Variants in GPC6 observed in about 807,000 individuals in gnomAD.
GPC6 encodes glypican 6.
GPC6 carries 14 observed loss-of-function variants against 55.2 expected under a neutral mutation model. That is an observed-to-expected ratio of 0.25 (90% confidence interval 0.17 to 0.40). The LOEUF is 0.40. Among genes scored for constraint, GPC6 ranks in the 10% least tolerant of loss-of-function variants. The pLI, the probability that GPC6 is intolerant of heterozygous loss-of-function variation, is 1.00. For synonymous variants in GPC6, 278 were observed against 259.6 expected, an observed-to-expected ratio of 1.07 and a Z score of -0.68; for missense variants, 641 against 708.5, an observed-to-expected ratio of 0.90 and a Z score of 1.08.
intron 4 of GPC6, among the ~76,000 whole-genome samples, chr13:94,122,907 A>C (rs935328689): frequency 5.9e-5 from 9 of 152,200 alleles, no homozygotes; most frequent in African/African-American, 2.2e-4. Flanking sequence ...GAACATGTTT[A>C]CTTCTGTAGT....
At position 94,294,057 on chromosome 13, in the gene GPC6, C is replaced by T. The variant is rs79697167; in HGVS notation, c.1008+7578C>T. On this transcript the variant is annotated intron_variant, in intron 5 of 8. Coordinates refer to ENST00000377047, the MANE Select transcript of GPC6 (RefSeq NM_005708.5). ...TCATTATTCCACTATCTTCCACAAC[C>T]GCAGTTACCCAACAGTTCAGAACTT... 9.3e-3 allele frequency among the ~76,000 whole-genome samples: 1,418 copies of T among 152,266 alleles called. 22 individuals are homozygous for T. Among genetic ancestry groups the T allele is most frequent in the African/African-American group, 0.033 (1,364 of 41,550 alleles).
At chr13:93,294,635 G>A (rs1423614680) in intron 1 of GPC6, among the ~76,000 whole-genome samples, 1 of 152,040 alleles carries the variant, frequency 6.6e-6, no homozygotes, top group Non-Finnish European at 1.5e-5. Flanking sequence ...GAGTCTAGTG[G>A]GGGAGATAAT....
At chr13:94,100,011 AC>A (rs1243172731) in intron 4 of GPC6, among the ~76,000 whole-genome samples, 1 of 152,156 alleles carries the variant, frequency 6.6e-6, no homozygotes, top group East Asian at 1.9e-4. Flanking sequence ...GCTATTGGCT[AC>A]TGTGCTTAAT....
At chr13:93,818,495 C>T (rs1314984886) in intron 2 of GPC6, 1 of 152,082 alleles carries the variant, frequency 6.6e-6, no homozygotes, top group African/African-American at 2.4e-5. Context: ...ATTCCTTTTC[C>T]CCTGGTCATT....
At chr13:93,968,895 T>C (rs1880163874) in intron 3 of GPC6, among the ~76,000 whole-genome samples, 1 of 152,202 alleles carries the variant, frequency 6.6e-6, no homozygotes. Context: ...ACATGGAAAC[T>C]AAGAGGCTTG....
intron 1 of GPC6, among the ~76,000 whole-genome samples, chr13:93,472,821 A>G (rs1879171540): frequency 6.6e-6 from 1 of 152,210 alleles, no homozygotes; most frequent in Non-Finnish European, 1.5e-5. Flanking sequence ...AATGAGGTAC[A>G]TAGACAAGTG....
intron 1 of GPC6, among the ~76,000 whole-genome samples, chr13:93,368,475 T>C (rs1360129622): frequency 1.3e-5 from 2 of 151,806 alleles, no homozygotes; most frequent in Admixed American, 6.6e-5. Flanking sequence ...CTTAAAAAGC[T>C]TGGTTGTAAA....
At chr13:93,645,590 A>G (rs892137955) in intron 2 of GPC6, among the ~76,000 whole-genome samples, 18 of 152,266 alleles carry the variant, frequency 1.2e-4, no homozygotes, top group African/African-American at 3.6e-4. Context: ...CGTTTGACTC[A>G]AATTCCATCT....
At chr13:94,172,284 G>A (rs1888597368) in intron 4 of GPC6, among the ~76,000 whole-genome samples, 1 of 151,880 alleles carries the variant, frequency 6.6e-6, no homozygotes, top group Non-Finnish European at 1.5e-5. Flanking sequence ...CATATGGTGA[G>A]AAGGGAGATG....
At chr13:93,613,937 T>A in intron 2 of GPC6, among the ~76,000 whole-genome samples, 1 of 152,128 alleles carries the variant, frequency 6.6e-6, no homozygotes, top group East Asian at 1.9e-4. Flanking sequence ...AATTTAGAAA[T>A]TGCCTGGATT....
At chr13:93,799,147 T>G (rs1022387075) in intron 2 of GPC6, among the ~76,000 whole-genome samples, 5 of 152,142 alleles carry the variant, frequency 3.3e-5, no homozygotes. Flanking sequence ...ACTGCAAATG[T>G]TACTGTCTCT....
intron 3 of GPC6, among the ~76,000 whole-genome samples, chr13:93,955,191 A>G (rs1364881247): frequency 2.0e-5 from 3 of 151,358 alleles, no homozygotes; most frequent in African/African-American, 7.3e-5. Flanking sequence ...TCTTCTTGCC[A>G]GTGAAGTGCA....
chr13:93,548,164 G>A (rs1301545178), intron 2 of GPC6, among the ~76,000 whole-genome samples: 1 of 152,138 alleles, frequency 6.6e-6, no homozygotes, highest in Non-Finnish European at 1.5e-5. Flanking sequence ...TATTTGGTTA[G>A]TCATTTTGCA....
chr13:94,296,149 T>G (rs9524421), intron 5 of GPC6, among the ~76,000 whole-genome samples: 54,089 of 152,060 alleles, frequency 0.36, 10,174 homozygotes, highest in Non-Finnish European at 0.42. Flanking sequence ...GAAAACATGC[T>G]TATGATGCAT....
At chr13:93,346,058 G>A (rs888037877) in intron 1 of GPC6, among the ~76,000 whole-genome samples, 1 of 152,146 alleles carries the variant, frequency 6.6e-6, no homozygotes, top group African/African-American at 2.4e-5. Context: ...AAGCTTTATG[G>A]AATGACTGCT....
rs565792604 is a variant in GPC6 at position 94,386,014 on chromosome 13, T to C, written c.1289+3464T>C. Among the ~76,000 whole-genome samples, 4 of 152,328 alleles carry C rather than the reference T, an allele frequency of 2.6e-5. No individual in the cohort carries two copies. The East Asian group carries it at 7.7e-4, about 29-fold the overall frequency. On this transcript the variant is annotated intron_variant, in intron 7 of 8. Coordinates refer to ENST00000377047, the MANE Select transcript of GPC6 (RefSeq NM_005708.5). The stretch of plus-strand genomic sequence containing the variant: ...TTGTAGAAAATCTGGCCAGAGGCAA[T>C]GACTCACACCTGTAATCCCAACACT...
chr13:93,806,786 A>G (rs1397949911), intron 2 of GPC6, among the ~76,000 whole-genome samples: 1 of 152,228 alleles, frequency 6.6e-6, no homozygotes, highest in South Asian at 2.1e-4. Flanking sequence ...ATTACTTTGT[A>G]TGCAGATATG....
intron 3 of GPC6, among the ~76,000 whole-genome samples, chr13:93,876,668 T>C (rs1026322177): frequency 6.6e-6 from 1 of 152,236 alleles, no homozygotes; most frequent in Admixed American, 6.5e-5. Context: ...CTCACTTTAG[T>C]CCAACCCATT....
At chr13:93,882,501 T>C (rs1875056186) in intron 3 of GPC6, among the ~76,000 whole-genome samples, 1 of 152,104 alleles carries the variant, frequency 6.6e-6, no homozygotes. Context: ...TATCATACAT[T>C]AGTAACACTG....
Sources: allele counts gnomAD v4.1 joint callset (sites outside exome capture counted in the v4.1 genomes callset), GRCh38; gene constraint gnomAD v4.1.1; transcripts MANE v1.5; gene names NCBI Gene and HGNC (gene_info 2026-07-23, HGNC 2026-07-21).